Variants in BNC1 observed in about 807,000 individuals in gnomAD.
BNC1 encodes the protein zinc finger protein basonuclin-1.
BNC1 carries 8 observed loss-of-function variants against 66.5 expected under a neutral mutation model. That is an observed-to-expected ratio of 0.12 (90% CI 0.07 to 0.22). BNC1 has a LOEUF of 0.22. BNC1 is among the 10% of genes least tolerant of loss of function. The pLI is 1.00. For missense variants in BNC1, 1,069 were observed against 1,241.3 expected (o/e 0.86, Z 2.09); for synonymous variants, 454 against 452.6 (o/e 1.00, Z -0.04).
chr15:83,257,504 T>G lies in BNC1; in HGVS notation c.2923A>C (p.Arg975=). ...TMFSSVRSRN[R]HSQNPNLHKS... Reference sequence around the variant, plus strand: ...TGCAGGTTGGGATTCTGGCTGTGTCTGTTTCGACTGCGAACAGACGAAAAC... The same window carrying G: ...TGCAGGTTGGGATTCTGGCTGTGTCGGTTTCGACTGCGAACAGACGAAAAC... The change falls in exon 5 of 5, where the codon AGA becomes CGA. Residue 975 remains arginine, a synonymous_variant. Coordinates refer to ENST00000345382, the MANE Select transcript of BNC1 (RefSeq NM_001717.4). 1 of 1,614,228 alleles carries G rather than the reference T, an allele frequency of 6.2e-7. No individual in the cohort carries two copies.
chr15:83,278,657 G>A (rs1313404341), intron 1 of BNC1, among the ~76,000 whole-genome samples: 1 of 152,178 alleles, frequency 6.6e-6, no homozygotes, highest in Admixed American at 6.5e-5. Flanking sequence ...ATCTCTGAAT[G>A]TGGATCAAAT....
At chr15:83,283,313 C>T (rs2151441447) in intron 1 of BNC1, 1 of 1,493,380 alleles carries the variant, frequency 6.7e-7, no homozygotes, top group South Asian at 1.3e-5. Flanking sequence ...TCCCGAGGAA[C>T]TCCGGCAAAG....
chr15:83,282,990 G>A, intron 1 of BNC1: 1 of 982,310 alleles, frequency 1.0e-6, no homozygotes, highest in Non-Finnish European at 1.5e-6. Context: ...CGCTTTAAAT[G>A]CCCTGGCCTT....
chr15:83,264,967 A>G, intron 3 of BNC1, 152 bp from the exon 4 acceptor site: 2 of 729,450 alleles, frequency 2.7e-6, no homozygotes, highest in South Asian at 2.0e-5. Flanking sequence ...TGCTCACCCT[A>G]CTCTCCCAGG....
chr15:83,280,344 T>C (rs1394257711), intron 1 of BNC1, among the ~76,000 whole-genome samples: 1 of 152,210 alleles, frequency 6.6e-6, no homozygotes, highest in Non-Finnish European at 1.5e-5. Flanking sequence ...AAGGGAACTT[T>C]CCGAACATAG....
rs770254434 is a variant in BNC1 at position 83,264,760 on chromosome 15, A to C, written c.491T>G (p.Val164Gly). ...HWSIMTSEEE[V>G]ATLQQFLRFG... ...ACGAAGGAACTGCTGCAAGGTGGCC[A>C]CTTCTTCCTCACTGGTCATGATGCT... Residue 164 changes from valine to glycine, a missense_variant, in exon 4 of 5, where the codon GTG (valine) becomes GGG (glycine). Coordinates refer to ENST00000345382, the MANE Select transcript of BNC1 (RefSeq NM_001717.4). 1 of 1,614,218 alleles carries C rather than the reference A, an allele frequency of 6.2e-7. No homozygotes were observed. The highest frequency in any genetic ancestry group is 2.2e-5 in the East Asian group (1 of 44,886).
In BNC1 at chr15:83,257,433, G is replaced by T. The variant is rs1403579441; in HGVS notation, c.*9C>A. The T allele has an allele frequency of 6.2e-7, 1 of 1,605,914 alleles. No individual in the cohort carries two copies. The highest frequency in any genetic ancestry group is 1.1e-5 in the South Asian group (1 of 89,982). The stretch of plus-strand genomic sequence containing the variant: ...AAGCTTATCTGAGCATACTTGGTTT[G>T]CCATCTTGTTACTGGAGGTGACTTG... On this transcript the variant is annotated 3_prime_UTR_variant, in exon 5 of 5. Transcript: ENST00000345382.
In BNC1 at chr15:83,263,985, C is replaced by A. The variant is rs1263406393; in HGVS notation, c.1266G>T (p.Arg422=). The part of the protein sequence containing the change: ...RLHMPMNRNN[R]DKDLRNSLNL... ...TCAGGCTGTTCCTGAGGTCTTTGTC[C>A]CGGTTATTTCTGTTCATTGGCATGT... The change falls in exon 4 of 5, where the codon CGG becomes CGT. Residue 422 remains arginine, a synonymous_variant. Transcript: ENST00000345382. 6.2e-7 allele frequency: 1 copy of A among 1,614,128 alleles called. No individual in the cohort carries two copies. The highest frequency in any genetic ancestry group is 1.7e-5 in the Admixed American group (1 of 60,022).
At chr15:83,279,546 T>C (rs968500198) in intron 1 of BNC1, among the ~76,000 whole-genome samples, 9 of 152,172 alleles carry the variant, frequency 5.9e-5, no homozygotes, top group African/African-American at 2.2e-4. Flanking sequence ...AAGCTTAACA[T>C]GTACATATGT....
intron 1 of BNC1, among the ~76,000 whole-genome samples, chr15:83,277,315 T>A (rs1031403629): frequency 2.6e-5 from 4 of 152,064 alleles, no homozygotes; most frequent in Non-Finnish European, 4.4e-5. Context: ...CCTGATTCAC[T>A]TTTTTTCTTT....
In BNC1 at chr15:83,263,515, G is replaced by T. The variant is rs920042085; in HGVS notation, c.1736C>A (p.Ala579Asp). The change falls in exon 4 of 5, where the codon GCC becomes GAC. Residue 579 changes from alanine (A) to aspartate (D), a missense_variant. By Grantham distance (126) the Ala-to-Asp change is moderately radical. Coordinates refer to ENST00000345382, the MANE Select transcript of BNC1 (RefSeq NM_001717.4). ...TACTCTGTGTGACTGAGGACTGCAG[G>T]CCTCCTGCTCATCTTCACTGACCAC... ...LQVVSEDEQEACSPQSHRVSE... is the reference protein window; with the variant it reads ...LQVVSEDEQEDCSPQSHRVSE... The T allele has an allele frequency of 1.2e-6, 2 of 1,614,120 alleles. No individual in the cohort carries two copies. The highest frequency in any genetic ancestry group is 2.7e-5 in the African/African-American group (2 of 74,916).
At chr15:83,274,167 G>A (rs2038295887) in intron 1 of BNC1, among the ~76,000 whole-genome samples, 1 of 152,094 alleles carries the variant, frequency 6.6e-6, no homozygotes, top group Non-Finnish European at 1.5e-5. Context: ...GGTGGACCAC[G>A]AAGTCAGGAG....
chr15:83,274,462 T>G (rs763108403), intron 1 of BNC1, among the ~76,000 whole-genome samples: 1 of 152,156 alleles, frequency 6.6e-6, no homozygotes, highest in Non-Finnish European at 1.5e-5. Flanking sequence ...AGTAGCAACA[T>G]GTAGATAGTG....
intron 1 of BNC1, chr15:83,283,500 A>T (rs1002571780): frequency 1.0e-6 from 1 of 985,166 alleles, no homozygotes; most frequent in African/African-American, 1.7e-5. Context: ...CGCAGGTCCC[A>T]AGGCCAGGCT....
chr15:83,264,572 G>T lies in BNC1; in HGVS notation c.679C>A (p.Pro227Thr). Residue 227 changes from proline (P) to threonine (T), a missense_variant, in exon 4 of 5, where the codon CCC becomes ACC. This residue lies in a region of BNC1 where 181 missense variants were observed against 181.5 expected (regional missense o/e 1.00). Transcript: ENST00000345382. ...SLPTPVDKGNPSSIHPFENLI... is the reference protein window; with the variant it reads ...SLPTPVDKGNTSSIHPFENLI... ...TTCTCAAAGGGGTGTATACTGCTGG[G>T]GTTTCCTTTGTCCACAGGAGTGGGG... 3 of 1,614,050 alleles carry T rather than the reference G, an allele frequency of 1.9e-6. No individual in the cohort carries two copies. Among genetic ancestry groups the T allele is most frequent in the Non-Finnish European group, 2.5e-6 (3 of 1,180,004 alleles).
intron 1 of BNC1, among the ~76,000 whole-genome samples, chr15:83,280,615 T>C (rs2038368412): frequency 6.6e-6 from 1 of 152,188 alleles, no homozygotes; most frequent in Non-Finnish European, 1.5e-5. Flanking sequence ...AAATTCAGTG[T>C]GAAGTATCAT....
intron 1 of BNC1, among the ~76,000 whole-genome samples, chr15:83,276,500 T>G (rs1397028909): frequency 1.3e-5 from 2 of 152,352 alleles, no homozygotes; most frequent in East Asian, 3.9e-4. Context: ...CCCAGTTATC[T>G]TTTTCCCCAA....
intron 1 of BNC1, among the ~76,000 whole-genome samples, chr15:83,279,807 A>G (rs147342434): frequency 2.2e-4 from 33 of 152,314 alleles, no homozygotes; most frequent in South Asian, 4.1e-4. Flanking sequence ...ACACTAAAGG[A>G]GAATGGACAA....
chr15:83,276,076 C>T (rs939818998), intron 1 of BNC1, among the ~76,000 whole-genome samples: 4 of 152,162 alleles, frequency 2.6e-5, no homozygotes, highest in African/African-American at 9.7e-5. Flanking sequence ...AGCTCCATGC[C>T]TTGGTGCCTT....
Sources: gnomAD v4.1 joint callset for allele counts (sites outside exome capture counted in the v4.1 genomes callset) on GRCh38, gnomAD v4.1.1 for gene constraint, gnomAD v4.1.1 regional missense constraint, MANE v1.5 for transcripts, NCBI Gene and HGNC (gene_info 2026-07-23, HGNC 2026-07-21) for gene names.